The following ANAPC7 variants were observed in gnomAD, a reference collection of about 807,000 sequenced individuals.
The protein encoded by ANAPC7 is anaphase promoting complex subunit 7.
ANAPC7 carries 25 observed loss-of-function variants against 63.3 expected under a neutral mutation model. The observed-to-expected ratio is 0.39, with a 90% CI of 0.29 to 0.55. ANAPC7 has a LOEUF of 0.55. Among genes scored for constraint, ANAPC7 ranks in the 20% least tolerant of loss-of-function variants. The pLI is 0.57. For synonymous variants in ANAPC7, 241 were observed against 251.7 expected (o/e 0.96, Z 0.40); for missense variants, 516 against 691.7 (o/e 0.75, Z 2.85).
intron 6 of ANAPC7, among the ~76,000 whole-genome samples, chr12:110,384,213 A>G (rs117814277): frequency 0.021 from 3,158 of 151,814 alleles, 51 homozygotes; most frequent in Non-Finnish European, 0.032. Context: ...AACATAAAAT[A>G]AAATAAAGTA....
intron 8 of ANAPC7, 122 bp downstream of exon 8, chr12:110,381,630 C>G: frequency 3.0e-6 from 3 of 1,007,480 alleles, no homozygotes; most frequent in Non-Finnish European, 4.3e-6. Flanking sequence ...CCACCACGTC[C>G]GGCCAGCTTC....
At chr12:110,391,730 G>C (rs902496612) in intron 3 of ANAPC7, among the ~76,000 whole-genome samples, 4 of 152,158 alleles carry the variant, frequency 2.6e-5, no homozygotes, top group South Asian at 2.1e-4. Context: ...AATATCCACA[G>C]GTCATTATGA....
At chr12:110,401,662 G>A (rs997238863) in intron 1 of ANAPC7, among the ~76,000 whole-genome samples, 18 of 152,058 alleles carry the variant, frequency 1.2e-4, no homozygotes, top group African/African-American at 4.1e-4. Context: ...AGGCCGAGGC[G>A]GCGGGATCAC....
intron 10 of ANAPC7, chr12:110,375,613 T>C (rs1881193205): frequency 3.8e-6 from 3 of 792,882 alleles, no homozygotes; most frequent in Non-Finnish European, 3.1e-6. Flanking sequence ...GACAAGGAAA[T>C]GTGTTAGTAA....
At chr12:110,402,090 G>C (rs1471145838) in intron 1 of ANAPC7, among the ~76,000 whole-genome samples, 1 of 150,938 alleles carries the variant, frequency 6.6e-6, no homozygotes, top group Non-Finnish European at 1.5e-5. Flanking sequence ...CAGGAGGATC[G>C]CTTGAACCCA....
intron 5 of ANAPC7, 45 bp from the exon 6 acceptor site, chr12:110,386,514 A>G (rs565502969): frequency 6.7e-5 from 101 of 1,516,848 alleles, no homozygotes; most frequent in Admixed American, 3.3e-4. Context: ...TCTATTATAA[A>G]TCCTCTTAGT....
Position 110,374,022 on chromosome 12 carries a change from G to T in ANAPC7, c.*122C>A. 8.7e-7 allele frequency: 1 copy of T among 1,147,500 alleles called. No individual in the cohort carries two copies. The highest frequency in any genetic ancestry group is 1.2e-6 in the Non-Finnish European group (1 of 833,870). The allele number at this position is 1,147,500 out of a possible 1,614,324, so 71.1% of individuals were successfully genotyped here. On this transcript the variant is annotated 3_prime_UTR_variant, in exon 11 of 11. Transcript: ENST00000455511. Reference sequence around the variant, plus strand: ...TAGGAATTGGGAGCGAGGGGGCAGAGACCCCTGCTGCAATCACATGCTGAA... The same window carrying T: ...TAGGAATTGGGAGCGAGGGGGCAGATACCCCTGCTGCAATCACATGCTGAA...
In ANAPC7 at chr12:110,373,918, G is replaced by A; in HGVS notation, c.*226C>T. 4.3e-6 allele frequency: 2 copies of A among 462,346 alleles called. No homozygotes were observed. The highest frequency in any genetic ancestry group is 7.4e-6 in the Non-Finnish European group (2 of 270,538). The allele number at this position is 462,346 out of a possible 1,614,324, so 28.6% of individuals were successfully genotyped here. Reference sequence around the variant, plus strand: ...GCGTGGGTCTCGGGGCACTCCCTCAGTCCTCCCTGGCTGGAGCAGGGGAGG... The same window carrying A: ...GCGTGGGTCTCGGGGCACTCCCTCAATCCTCCCTGGCTGGAGCAGGGGAGG... On this transcript the variant is annotated 3_prime_UTR_variant, in exon 11 of 11. Transcript: ENST00000455511.
rs1471860874 is a variant in ANAPC7, at chr12:110,373,935, C to T, written c.*209G>A. On this transcript the variant is annotated 3_prime_UTR_variant, in exon 11 of 11. Coordinates refer to ENST00000455511, the MANE Select transcript of ANAPC7 (RefSeq NM_016238.3). Reference sequence around the variant, plus strand: ...CTCCCTCAGTCCTCCCTGGCTGGAGCAGGGGAGGATGGAGATACATGGAAG... The same window carrying T: ...CTCCCTCAGTCCTCCCTGGCTGGAGTAGGGGAGGATGGAGATACATGGAAG... The T allele has an allele frequency of 3.9e-6, 2 of 507,700 alleles. No homozygotes were observed. The highest frequency in any genetic ancestry group is 3.8e-5 in the Admixed American group (1 of 26,304). The allele number at this position is 507,700 out of a possible 1,614,324, so 31.4% of individuals were successfully genotyped here. A position where few individuals can be genotyped will look rare whatever the true frequency, so the allele number is the denominator to read the frequency against.
intron 3 of ANAPC7, among the ~76,000 whole-genome samples, chr12:110,391,461 T>C (rs1027081343): frequency 6.6e-6 from 1 of 152,206 alleles, no homozygotes; most frequent in Non-Finnish European, 1.5e-5. Context: ...TTTGACTCAC[T>C]TCCTTGTCCT....
rs755822389 is a variant in ANAPC7 at position 110,386,425 on chromosome 12, A to G, written c.719T>C (p.Leu240Ser). 3 of 1,614,124 alleles carry G rather than the reference A, an allele frequency of 1.9e-6. No homozygotes were observed. In the East Asian group the frequency reaches 6.7e-5, roughly 36 times the overall value. The stretch of plus-strand genomic sequence containing the variant: ...GAAGTACAGATCTGCCAAGCTTCCC[A>G]ATAGGTCCACGTTATCTCGCAATAA... Reference protein sequence around the residue: ...KSLLRDNVDLLGSLADLYFRA... With the variant: ...KSLLRDNVDLSGSLADLYFRA... The change falls in exon 6 of 11, where the codon TTG (leucine) becomes TCG (serine). Residue 240 changes from leucine to serine, a missense_variant. Coordinates refer to ENST00000455511, the MANE Select transcript of ANAPC7 (RefSeq NM_016238.3).
chr12:110,375,845 G>A (rs1009901907), intron 10 of ANAPC7: 17 of 1,246,484 alleles, frequency 1.4e-5, no homozygotes, highest in Non-Finnish European at 6.0e-6. Flanking sequence ...AGTGGTGTGG[G>A]ATGGTTATGA....
chr12:110,377,948 A>G, intron 8 of ANAPC7: 1 of 564,586 alleles, frequency 1.8e-6, no homozygotes, highest in South Asian at 2.8e-5. Context: ...TTAGTCTGTC[A>G]TATGGCCAAG....
Position 110,376,160 on chromosome 12 carries a change from G to A in ANAPC7, c.1414C>T (p.Gln472Ter), listed in dbSNP as rs1476878929. Reference sequence around the variant, plus strand: ...ATCCGATGCAGGACACAGTCACTCTGATTAGCCAGTGCGTTCCTCAGCAAA... The same window carrying A: ...ATCCGATGCAGGACACAGTCACTCTAATTAGCCAGTGCGTTCCTCAGCAAA... ...IALLRNALAN[Q>*]SDCVLHRILG... The change falls in exon 10 of 11, where the codon CAG becomes TAG. Residue 472 changes from glutamine (Q) to a stop codon, truncating the protein, a stop_gained. Coordinates refer to ENST00000455511, the MANE Select transcript of ANAPC7 (RefSeq NM_016238.3). LOFTEE classifies it high-confidence loss of function. 1 of 1,614,086 alleles carries A rather than the reference G, an allele frequency of 6.2e-7. No individual in the cohort carries two copies. Among genetic ancestry groups the A allele is most frequent in the Admixed American group, 1.7e-5 (1 of 60,008 alleles).
At chr12:110,376,860 C>A (rs960806418) in intron 9 of ANAPC7, among the ~76,000 whole-genome samples, 5 of 151,960 alleles carry the variant, frequency 3.3e-5, no homozygotes, top group Non-Finnish European at 7.4e-5. Flanking sequence ...CGGTGGCTCA[C>A]ACCTATAATC....
intron 10 of ANAPC7, among the ~76,000 whole-genome samples, chr12:110,374,899 A>G (rs1345509178): frequency 6.6e-6 from 1 of 152,070 alleles, no homozygotes; most frequent in Non-Finnish European, 1.5e-5. Context: ...TTAGCAGCTG[A>G]GTGTCAGTAC....
chr12:110,395,886 C>T (rs776444558), intron 2 of ANAPC7, among the ~76,000 whole-genome samples: 4 of 152,156 alleles, frequency 2.6e-5, no homozygotes, highest in Non-Finnish European at 5.9e-5. Context: ...AATCAGCGGT[C>T]CCCAACCTTT....
At chr12:110,402,953 G>A (rs971154723) in intron 1 of ANAPC7, among the ~76,000 whole-genome samples, 1 of 150,528 alleles carries the variant, frequency 6.6e-6, no homozygotes, top group East Asian at 2.0e-4. Flanking sequence ...TGTTGCCCAG[G>A]TTGGTCTTGA....
intron 3 of ANAPC7, among the ~76,000 whole-genome samples, chr12:110,391,529 T>C (rs1489930734): frequency 6.6e-6 from 1 of 152,084 alleles, no homozygotes; most frequent in Non-Finnish European, 1.5e-5. Flanking sequence ...AAACTGTAAA[T>C]GTTATAGGTT....
Sources: gnomAD v4.1 joint callset for allele counts (sites outside exome capture counted in the v4.1 genomes callset) on GRCh38, gnomAD v4.1.1 for gene constraint, MANE v1.5 for transcripts, NCBI Gene and HGNC (gene_info 2026-07-23, HGNC 2026-07-21) for gene names.